PAICS: variants seen among roughly 807,000 people sequenced by gnomAD.
PAICS encodes phosphoribosylaminoimidazole carboxylase and phosphoribosylaminoimidazolesuccinocarboxamide synthase, also known as bifunctional phosphoribosylaminoimidazole carboxylase/phosphoribosylaminoimidazole succinocarboxamide synthetase.
Under a neutral mutation model 53.7 loss-of-function variants are expected in PAICS, and 33 were observed. The ratio of observed to expected loss-of-function variants is 0.61; its 90% CI spans 0.47 to 0.82. PAICS has a LOEUF of 0.82. Ranked by LOEUF, PAICS falls within the 40% of genes least tolerant of loss-of-function variation. The pLI, the probability that PAICS is intolerant of heterozygous loss-of-function variation, is 0.00. For synonymous variants in PAICS, 141 were observed against 167.2 expected (o/e 0.84, Z 1.21); for missense variants, 394 against 494.1 (o/e 0.80, Z 1.92).
upstream of PAICS, chr4:56,435,723 CGG>C (rs1560654110): frequency 1.4e-6 from 2 of 1,468,034 alleles, no homozygotes; most frequent in African/African-American, 2.8e-5. Flanking sequence ...GGCTGAGGGG[CGG>C]GGTCACGGAT....
intron 8 of PAICS, 92 bp downstream of exon 8, chr4:56,453,853 C>A: frequency 2.4e-6 from 2 of 822,202 alleles, no homozygotes; most frequent in Non-Finnish European, 3.7e-6. Context: ...ATCTCATGTA[C>A]CCATGACCTA....
the PAICS span, among the ~76,000 whole-genome samples, chr4:56,416,941 C>T: frequency 1.3e-5 from 2 of 152,170 alleles, no homozygotes; most frequent in East Asian, 1.9e-4. Context: ...CCTCTGCCTC[C>T]GGGGTTCAAG....
At chr4:56,458,663 CAA>C (rs913227021) in intron 8 of PAICS, among the ~76,000 whole-genome samples, 3 of 152,104 alleles carry the variant, frequency 2.0e-5, no homozygotes, top group African/African-American at 7.2e-5. Context: ...TAATGGGAGT[CAA>C]AGAGCCTGAT....
the PAICS span, chr4:56,416,310 T>C: frequency 2.2e-5 from 5 of 232,296 alleles, no homozygotes; most frequent in Non-Finnish European, 3.5e-5. Flanking sequence ...ATTAGAATTA[T>C]CAGTCATGTT....
At position 56,463,930 on chromosome 4, in the gene PAICS, G is replaced by C. The variant is rs1238919548; in HGVS notation, c.*4392G>C. On this transcript the variant is annotated 3_prime_UTR_variant, in exon 9 of 9. Coordinates refer to ENST00000512576, the MANE Select transcript of PAICS (RefSeq NM_001079524.2). ...AAGAAGACTGCCTTCACCCATGTGG[G>C]TGAGCGTCATCTAATCCATTGAGGG... is the stretch of plus-strand genomic sequence containing the variant. 1.3e-5 allele frequency: 2 copies of C among 152,122 alleles called. No individual in the cohort carries two copies. The highest frequency in any genetic ancestry group is 4.8e-5 in the African/African-American group (2 of 41,390). The allele number at this position is 152,122 out of a possible 1,614,324, so 9.4% of individuals were successfully genotyped here. A position where few individuals can be genotyped will look rare whatever the true frequency, so the allele number is the denominator to read the frequency against.
At chr4:56,420,050 T>C in the PAICS span, 1 of 964,966 alleles carries the variant, frequency 1.0e-6, no homozygotes, top group Non-Finnish European at 1.2e-6. Context: ...ACCAGACAGG[T>C]AGGAAGGTGA....
At chr4:56,433,734 G>A (rs1047380100), upstream of PAICS, among the ~76,000 whole-genome samples, 1 of 148,482 alleles carries the variant, frequency 6.7e-6, no homozygotes, top group Non-Finnish European at 1.5e-5. Context: ...TCGCTCTGTC[G>A]CCCAGGCTGG....
intron 1 of PAICS, among the ~76,000 whole-genome samples, chr4:56,437,607 G>T (rs549337208): frequency 6.6e-6 from 1 of 151,918 alleles, no homozygotes; most frequent in Admixed American, 6.6e-5. Context: ...CGGATCACGA[G>T]GTCAGGAGAT....
chr4:56,418,290 T>C, the PAICS span, among the ~76,000 whole-genome samples: 2 of 152,024 alleles, frequency 1.3e-5, no homozygotes. Flanking sequence ...TGAAAGAAAA[T>C]TACTTTCTTT....
chr4:56,453,810 G>C (rs147699486), intron 8 of PAICS, 49 bp downstream of exon 8: 3 of 1,313,330 alleles, frequency 2.3e-6, no homozygotes, highest in Non-Finnish European at 3.2e-6. Flanking sequence ...GCATTTAACA[G>C]ATGCACAACA....
intron 5 of PAICS, among the ~76,000 whole-genome samples, chr4:56,450,263 A>G (rs1049129987): frequency 6.6e-6 from 1 of 152,152 alleles, no homozygotes; most frequent in African/African-American, 2.4e-5. Flanking sequence ...GGGTGCAGCA[A>G]ACTACCATGG....
chr4:56,442,857 T>A (rs1718411221), intron 2 of PAICS, among the ~76,000 whole-genome samples: 1 of 152,218 alleles, frequency 6.6e-6, no homozygotes, highest in African/African-American at 2.4e-5. Context: ...GTAATGTAAT[T>A]TAAATACATT....
In PAICS at chr4:56,463,682, A is replaced by G. The variant is rs917126122; in HGVS notation, c.*4144A>G. 5.6e-5 allele frequency: 8 copies of G among 143,652 alleles called. No homozygotes were observed. The highest frequency in any genetic ancestry group is 5.1e-4 in the Admixed American group (7 of 13,606). The allele number at this position is 143,652 out of a possible 1,614,324, so 8.9% of individuals were successfully genotyped here. A position where few individuals can be genotyped will look rare whatever the true frequency, so the allele number is the denominator to read the frequency against. On this transcript the variant is annotated 3_prime_UTR_variant, in exon 9 of 9. Transcript: ENST00000512576. ...CACTCCAGCCTGGGCAACAAGAGCG[A>G]AAATCTGTCGCCAAAAAAAAAAAAA...
chr4:56,415,957 C>T, the PAICS span, among the ~76,000 whole-genome samples: 1 of 151,932 alleles, frequency 6.6e-6, no homozygotes, highest in Admixed American at 6.6e-5. Flanking sequence ...GTAATCCCAG[C>T]TACTCATAAG....
upstream of PAICS, chr4:56,435,956 G>A (rs1489085936): frequency 6.7e-7 from 1 of 1,502,536 alleles, no homozygotes; most frequent in Admixed American, 1.8e-5. Context: ...AGTCGCTCCC[G>A]CAGCCGAGAA....
At chr4:56,456,758 T>A (rs1719229976) in intron 8 of PAICS, among the ~76,000 whole-genome samples, 1 of 151,892 alleles carries the variant, frequency 6.6e-6, no homozygotes, top group African/African-American at 2.4e-5. Context: ...GGTTTTTGTT[T>A]TCTGGGTTTT....
At chr4:56,436,572 G>A (rs1402676518) in intron 1 of PAICS, 4 of 701,280 alleles carry the variant, frequency 5.7e-6, no homozygotes, top group East Asian at 2.7e-5. Context: ...GTGCCTGGAA[G>A]TATTATTTAT....
chr4:56,441,713 G>A lies in PAICS; in HGVS notation c.67G>A (p.Glu23Lys), dbSNP rs773166026. Residue 23 changes from glutamate to lysine, a missense_variant, in exon 2 of 9, where the codon GAA becomes AAA. Around this residue, in one of 3 missense-constraint regions of PAICS, gnomAD observed 168 missense variants for 199.3 expected, o/e 0.84. Transcript: ENST00000512576. ...TGAGGGTAAAACAAAAGAAGTCTAC[G>A]AATTGTTAGACAGTCCAGGAAAAGT... ...LYEGKTKEVY[E>K]LLDSPGKVLL... The A allele has an allele frequency of 4.4e-6, 7 of 1,599,412 alleles. No homozygotes were observed. Among genetic ancestry groups the A allele is most frequent in the African/African-American group, 1.3e-5 (1 of 74,426 alleles).
intron 8 of PAICS, among the ~76,000 whole-genome samples, chr4:56,459,019 T>C (rs1719364655): frequency 6.6e-6 from 1 of 152,232 alleles, no homozygotes; most frequent in African/African-American, 2.4e-5. Context: ...TACTCTTACC[T>C]TGACCCTTAT....
Sources: gnomAD v4.1 joint callset for allele counts (sites outside exome capture counted in the v4.1 genomes callset) on GRCh38, gnomAD v4.1.1 for gene constraint, gnomAD v4.1.1 regional missense constraint, MANE v1.5 for transcripts, NCBI Gene and HGNC (gene_info 2026-07-23, HGNC 2026-07-21) for gene names.